The following RUNX2 variants were observed in gnomAD, a reference collection of about 807,000 sequenced individuals.
RUNX2 encodes the protein RUNX family transcription factor 2, also known as runt-related transcription factor 2.
Under a neutral mutation model 51.7 loss-of-function variants are expected in RUNX2, and 10 were observed. That is an observed-to-expected ratio of 0.19 (90% CI 0.12 to 0.33). RUNX2 has a LOEUF of 0.33. Among genes scored for constraint, RUNX2 ranks in the 10% least tolerant of loss-of-function variants. The pLI is 1.00. For synonymous variants in RUNX2, 276 were observed against 273.6 expected (o/e 1.01, Z -0.09); for missense variants, 562 against 691.3 (o/e 0.81, Z 2.10).
Position 45,510,222 on chromosome 6 carries a change from G to A in RUNX2, c.860-2024G>A, listed in dbSNP as rs541883759. ...TGAGAATTTTAAGGCACAGAAGCCC[G>A]TTACTTTAATGATCAATTATCCTTT... is the stretch of plus-strand genomic sequence containing the variant. On this transcript the variant is annotated intron_variant, in intron 6 of 8. Transcript: ENST00000647337. Among the ~76,000 whole-genome samples the A allele has an allele frequency of 5.9e-5, 9 of 152,288 alleles. No individual in the cohort carries two copies. The East Asian group carries it at 1.7e-3, about 29-fold the overall frequency.
At chr6:45,397,144 C>T (rs1797600124) in intron 2 of RUNX2, among the ~76,000 whole-genome samples, 1 of 151,270 alleles carries the variant, frequency 6.6e-6, no homozygotes, top group South Asian at 2.1e-4. Flanking sequence ...CGCTCTGTCG[C>T]CCAGGCTGGA....
chr6:45,372,084 AC>A, intron 2 of RUNX2: 1 of 926,136 alleles, frequency 1.1e-6, no homozygotes, highest in Non-Finnish European at 1.3e-6. Flanking sequence ...GTCACAGTGA[AC>A]TGTGTTGTGA....
At chr6:45,522,904 T>C (rs1801551588) in intron 7 of RUNX2, among the ~76,000 whole-genome samples, 1 of 152,246 alleles carries the variant, frequency 6.6e-6, no homozygotes, top group Admixed American at 6.5e-5. Context: ...TGTTTACCTT[T>C]ATTTCATATT....
At chr6:45,437,854 T>C (rs910036451) in intron 4 of RUNX2, 93 bp from the exon 5 acceptor site, 2 of 923,114 alleles carry the variant, frequency 2.2e-6, no homozygotes, top group Non-Finnish European at 3.6e-6. Flanking sequence ...TCCTTAGAGA[T>C]GCTTAAATGC....
At chr6:45,545,920 G>A (rs997600684) in intron 8 of RUNX2, among the ~76,000 whole-genome samples, 2 of 152,176 alleles carry the variant, frequency 1.3e-5, no homozygotes, top group African/African-American at 4.8e-5. Context: ...AGGACTTCAT[G>A]TTTTAGGGGA....
At chr6:45,375,553 T>C (rs1288781808) in intron 2 of RUNX2, among the ~76,000 whole-genome samples, 1 of 152,096 alleles carries the variant, frequency 6.6e-6, no homozygotes, top group Non-Finnish European at 1.5e-5. Flanking sequence ...AGCATCATTT[T>C]TTTTTTTAAA....
chr6:45,347,184 T>C (rs1026966576), intron 2 of RUNX2, among the ~76,000 whole-genome samples: 11 of 152,180 alleles, frequency 7.2e-5, no homozygotes, highest in African/African-American at 2.7e-4. Context: ...TAATGGGATA[T>C]CTGGCTAACA....
chr6:45,422,246 C>T lies in RUNX2; in HGVS notation c.59-347C>T, dbSNP rs928004079. On this transcript the variant is annotated intron_variant, in intron 2 of 8. Coordinates refer to ENST00000647337, the MANE Select transcript of RUNX2 (RefSeq NM_001024630.4). ...CCCCAAGGGACCCCATTCCAAGCTG[C>T]AAACTCAAGTCCCCCGCCTCCCCAG... is the stretch of plus-strand genomic sequence containing the variant. 23 of 281,064 alleles carry T rather than the reference C, an allele frequency of 8.2e-5. No individual in the cohort carries two copies. In the Admixed American group the frequency reaches 1.2e-3, roughly 15 times the overall value. 17.4% of individuals were successfully genotyped at this position (281,064 alleles called of 1,614,324 possible). A position where few individuals can be genotyped will look rare whatever the true frequency, so the allele number is the denominator to read the frequency against.
Position 45,478,065 on chromosome 6 carries a change from C to A in RUNX2, c.686-13876C>A, listed in dbSNP as rs150931365. 2.4e-3 allele frequency among the ~76,000 whole-genome samples: 362 copies of A among 152,278 alleles called. 1 individual carries two copies. The highest frequency in any genetic ancestry group is 8.0e-3 in the African/African-American group (332 of 41,556). ...GTTATCTTCTTCTGCATTTGCTTGA[C>A]TAAATTCTACTCATTCTTTAAGTCT... On this transcript the variant is annotated intron_variant, in intron 5 of 8. Transcript: ENST00000647337.
At chr6:45,523,045 A>G (rs1295548140) in intron 7 of RUNX2, among the ~76,000 whole-genome samples, 1 of 152,200 alleles carries the variant, frequency 6.6e-6, no homozygotes, top group African/African-American at 2.4e-5. Context: ...CCTACTCATT[A>G]TATTGATAAT....
chr6:45,388,502 G>T (rs138193073), intron 2 of RUNX2, among the ~76,000 whole-genome samples: 1 of 152,192 alleles, frequency 6.6e-6, no homozygotes, highest in African/African-American at 2.4e-5. Context: ...AGATACTCTG[G>T]GGGGCGGAGT....
intron 2 of RUNX2, among the ~76,000 whole-genome samples, chr6:45,344,718 G>C (rs1188566577): frequency 6.6e-6 from 1 of 151,900 alleles, no homozygotes; most frequent in Non-Finnish European, 1.5e-5. Flanking sequence ...GGAAAGCCTA[G>C]AGAAAAAAAA....
chr6:45,357,710 T>G (rs1268965196), intron 2 of RUNX2, among the ~76,000 whole-genome samples: 1 of 152,142 alleles, frequency 6.6e-6, no homozygotes, highest in African/African-American at 2.4e-5. Flanking sequence ...AAATAATGAA[T>G]TGACAGAATA....
chr6:45,439,069 T>C (rs908332110), intron 5 of RUNX2, among the ~76,000 whole-genome samples: 1 of 152,170 alleles, frequency 6.6e-6, no homozygotes, highest in Non-Finnish European at 1.5e-5. Flanking sequence ...AAAGGTCTCA[T>C]AAAGTTTTGC....
intron 6 of RUNX2, among the ~76,000 whole-genome samples, chr6:45,492,530 T>A (rs1445149876): frequency 1.3e-5 from 2 of 152,184 alleles, no homozygotes; most frequent in Non-Finnish European, 2.9e-5. Flanking sequence ...TAAGTCTGCT[T>A]GAAAATTGCC....
intron 2 of RUNX2, among the ~76,000 whole-genome samples, chr6:45,404,667 A>G (rs1443514461): frequency 1.3e-5 from 2 of 152,262 alleles, no homozygotes; most frequent in Non-Finnish European, 2.9e-5. Context: ...CCTGATTATT[A>G]CTAGGAAATA....
intron 4 of RUNX2, among the ~76,000 whole-genome samples, chr6:45,435,157 T>C (rs1798648071): frequency 6.6e-6 from 1 of 152,196 alleles, no homozygotes; most frequent in Admixed American, 6.5e-5. Flanking sequence ...CAGTTTTTTA[T>C]AGAGAACTCA....
rs530957284 is a variant in RUNX2 at position 45,402,179 on chromosome 6, A to G, written c.59-20414A>G. Among the ~76,000 whole-genome samples the G allele has an allele frequency of 7.2e-5, 11 of 152,342 alleles. No individual in the cohort carries two copies. In the South Asian group the frequency reaches 1.9e-3, roughly 26 times the overall value. On this transcript the variant is annotated intron_variant, in intron 2 of 8. Coordinates refer to ENST00000647337, the MANE Select transcript of RUNX2 (RefSeq NM_001024630.4). Reference sequence around the variant, plus strand: ...TTCACTTTCTAAAAATAATTTAAGTATTTCTTACCTCTTTTAACTTATCTA... The same window carrying G: ...TTCACTTTCTAAAAATAATTTAAGTGTTTCTTACCTCTTTTAACTTATCTA...
At chr6:45,401,199 G>A (rs1797708171) in intron 2 of RUNX2, among the ~76,000 whole-genome samples, 1 of 152,066 alleles carries the variant, frequency 6.6e-6, no homozygotes, top group South Asian at 2.1e-4. Context: ...CAAAATTTCT[G>A]TTCATTTCTA....
Sources: gnomAD v4.1 joint callset for allele counts (sites outside exome capture counted in the v4.1 genomes callset) on GRCh38, gnomAD v4.1.1 for gene constraint, MANE v1.5 for transcripts, NCBI Gene and HGNC (gene_info 2026-07-23, HGNC 2026-07-21) for gene names.